UBL3: variants seen among roughly 807,000 people sequenced by gnomAD.
UBL3 encodes the protein ubiquitin like 3.
UBL3 carries 6 observed loss-of-function variants against 18.4 expected under a neutral mutation model. The ratio of observed to expected loss-of-function variants is 0.33; its 90% CI spans 0.18 to 0.64. The LOEUF (loss-of-function observed/expected upper bound fraction) is 0.64. Ranked by LOEUF, UBL3 falls within the 30% of genes least tolerant of loss-of-function variation. UBL3 has a pLI of 0.76. For missense variants in UBL3, 109 were observed against 142.9 expected, an observed-to-expected ratio of 0.76 and a Z score of 1.21; for synonymous variants, 49 against 46.6, an observed-to-expected ratio of 1.05 and a Z score of -0.21.
At chr13:29,849,407 T>C (rs1166375527) in intron 1 of UBL3, 105 bp downstream of exon 1, 2 of 1,533,200 alleles carry the variant, frequency 1.3e-6, no homozygotes, top group Non-Finnish European at 9.0e-7. Flanking sequence ...CACAGTGGCT[T>C]TTCGACAGTC....
chr13:29,837,493 G>T (rs763140060), intron 1 of UBL3, among the ~76,000 whole-genome samples: 25 of 152,092 alleles, frequency 1.6e-4, no homozygotes, highest in Admixed American at 6.5e-4. Context: ...AAAAAGAATG[G>T]AAACAGTGAC....
chr13:29,783,946 T>C (rs1211140521), intron 1 of UBL3, among the ~76,000 whole-genome samples: 1 of 152,168 alleles, frequency 6.6e-6, no homozygotes, highest in Non-Finnish European at 1.5e-5. Flanking sequence ...TCCTAAGAGA[T>C]GGCATTTAGA....
intron 1 of UBL3, among the ~76,000 whole-genome samples, chr13:29,815,317 C>A (rs117655927): frequency 0.01 from 1,525 of 152,126 alleles, 17 homozygotes; most frequent in Middle Eastern, 0.017. Context: ...GGAGAAATAT[C>A]TCATATAATA....
At chr13:29,791,028 G>A (rs537935943) in intron 1 of UBL3, among the ~76,000 whole-genome samples, 15 of 152,162 alleles carry the variant, frequency 9.9e-5, no homozygotes, top group African/African-American at 3.1e-4. Context: ...ATTTCTGATC[G>A]GGTAGATAGC....
chr13:29,769,791 T>C (rs1174148783), intron 3 of UBL3, among the ~76,000 whole-genome samples: 1 of 152,088 alleles, frequency 6.6e-6, no homozygotes, highest in East Asian at 1.9e-4. Flanking sequence ...CAGGGCTATG[T>C]TTTAAGACAT....
At chr13:29,829,074 A>G (rs1878701129) in intron 1 of UBL3, among the ~76,000 whole-genome samples, 1 of 152,172 alleles carries the variant, frequency 6.6e-6, no homozygotes, top group African/African-American at 2.4e-5. Flanking sequence ...GTGAGGTGTC[A>G]GTCTGCCCCT....
intron 1 of UBL3, among the ~76,000 whole-genome samples, chr13:29,835,174 A>C (rs1251854991): frequency 1.4e-5 from 1 of 72,560 alleles, no homozygotes; most frequent in Non-Finnish European, 2.5e-5. Flanking sequence ...ATATATATAT[A>C]TATATATATA....
intron 1 of UBL3, among the ~76,000 whole-genome samples, chr13:29,822,165 A>G (rs1045468720): frequency 6.6e-6 from 1 of 152,230 alleles, no homozygotes; most frequent in Non-Finnish European, 1.5e-5. Flanking sequence ...TGTATGTGTA[A>G]ATTTTGTAAT....
At chr13:29,770,980 C>T (rs1337486894) in intron 3 of UBL3, among the ~76,000 whole-genome samples, 2 of 152,010 alleles carry the variant, frequency 1.3e-5, no homozygotes, top group Non-Finnish European at 2.9e-5. Context: ...GTCATAAAAT[C>T]ATTTGCATTC....
intron 1 of UBL3, among the ~76,000 whole-genome samples, chr13:29,838,954 C>G (rs775713142): frequency 2.0e-5 from 3 of 151,792 alleles, no homozygotes; most frequent in Admixed American, 6.6e-5. Flanking sequence ...TATTAACATC[C>G]CCTCTGGAAA....
intron 1 of UBL3, among the ~76,000 whole-genome samples, chr13:29,806,289 C>T (rs963768299): frequency 6.6e-6 from 1 of 152,078 alleles, no homozygotes; most frequent in African/African-American, 2.4e-5. Context: ...GAGAAAAAAC[C>T]TTTATTACTC....
intron 1 of UBL3, among the ~76,000 whole-genome samples, chr13:29,803,166 A>T (rs1376634263): frequency 6.6e-6 from 1 of 152,250 alleles, no homozygotes; most frequent in Non-Finnish European, 1.5e-5. Context: ...AAGTTTAATA[A>T]GCAAAGGAGA....
At chr13:29,786,618 T>C (rs1271567828) in intron 1 of UBL3, among the ~76,000 whole-genome samples, 1 of 152,224 alleles carries the variant, frequency 6.6e-6, no homozygotes, top group Non-Finnish European at 1.5e-5. Context: ...TGAAAACAGA[T>C]TTTAACCTAT....
intron 1 of UBL3, among the ~76,000 whole-genome samples, chr13:29,842,170 C>G (rs561441307): frequency 7.6e-6 from 1 of 132,418 alleles, no homozygotes; most frequent in Non-Finnish European, 1.5e-5. Flanking sequence ...GAGACAGAGT[C>G]TTACTCTGTC....
At chr13:29,806,013 T>C (rs144737123) in intron 1 of UBL3, among the ~76,000 whole-genome samples, 1 of 152,200 alleles carries the variant, frequency 6.6e-6, no homozygotes, top group Non-Finnish European at 1.5e-5. Flanking sequence ...CCATTTCTAA[T>C]TAAAATACAA....
At chr13:29,807,816 C>A (rs939676914) in intron 1 of UBL3, among the ~76,000 whole-genome samples, 11 of 152,136 alleles carry the variant, frequency 7.2e-5, no homozygotes, top group Non-Finnish European at 1.5e-4. Flanking sequence ...ATTGGCAAGA[C>A]AGAAACCAAA....
At chr13:29,794,038 G>C (rs964182432) in intron 1 of UBL3, among the ~76,000 whole-genome samples, 2 of 151,994 alleles carry the variant, frequency 1.3e-5, no homozygotes, top group African/African-American at 4.8e-5. Flanking sequence ...TAGAGATAAG[G>C]TTTCGCCACG....
intron 1 of UBL3, among the ~76,000 whole-genome samples, chr13:29,785,316 CT>C (rs1174515122): frequency 6.6e-6 from 1 of 151,930 alleles, no homozygotes; most frequent in Non-Finnish European, 1.5e-5. Flanking sequence ...TTTCTGAAAA[CT>C]GCATGGTTAA....
rs775356728 is a variant in UBL3, at chr13:29,765,626, T to A, written c.*1629A>T. Reference sequence around the variant, plus strand: ...ACCACCAAAATGCACTATCATTTTTTTTTTATTTAGTTTACAGGAAGAATC... The same window carrying A: ...ACCACCAAAATGCACTATCATTTTTATTTTATTTAGTTTACAGGAAGAATC... On this transcript the variant is annotated 3_prime_UTR_variant, in exon 5 of 5. Coordinates refer to ENST00000380680, the MANE Select transcript of UBL3 (RefSeq NM_007106.4). The A allele has an allele frequency of 3.9e-5, 6 of 152,564 alleles. No homozygotes were observed. Among genetic ancestry groups the A allele is most frequent in the Non-Finnish European group, 8.8e-5 (6 of 67,972 alleles). 9.5% of individuals were successfully genotyped at this position (152,564 alleles called of 1,614,324 possible). A position where few individuals can be genotyped will look rare whatever the true frequency, so the allele number is the denominator to read the frequency against.
Sources: allele counts gnomAD v4.1 joint callset (sites outside exome capture counted in the v4.1 genomes callset), GRCh38; gene constraint gnomAD v4.1.1; transcripts MANE v1.5; gene names NCBI Gene and HGNC (gene_info 2026-07-23, HGNC 2026-07-21).